PRKRIP1: variants seen among roughly 807,000 people sequenced by gnomAD.
PRKRIP1 encodes the protein PRKR interacting protein 1.
PRKRIP1 carries 29 observed loss-of-function variants against 29.3 expected under a neutral mutation model. The observed-to-expected ratio is 0.99, with a 90% confidence interval of 0.74 to 1.35. The LOEUF is 1.35. Among genes scored for constraint, PRKRIP1 ranks in the 40% most tolerant of loss-of-function variants. The pLI is 0.00. For synonymous variants in PRKRIP1, 90 were observed against 85.1 expected (o/e 1.06, Z -0.32); for missense variants, 247 against 236.8 (o/e 1.04, Z -0.28).
chr7:102,422,683 G>T lies in PRKRIP1; in HGVS notation c.458-2331G>T, dbSNP rs1796726390. Among the ~76,000 whole-genome samples, 3 of 151,972 alleles carry T rather than the reference G, an allele frequency of 2.0e-5. No individual in the cohort carries two copies. The South Asian group carries it at 6.2e-4, about 32-fold the overall frequency. On this transcript the variant is annotated intron_variant, in intron 5 of 5. Transcript: ENST00000397912. Reference sequence around the variant, plus strand: ...ATAGAGATGAGGTTTCACCATGTTGGCCAGGCTGGTCTCACACTCCTGACC... The same window carrying T: ...ATAGAGATGAGGTTTCACCATGTTGTCCAGGCTGGTCTCACACTCCTGACC...
intron 5 of PRKRIP1, among the ~76,000 whole-genome samples, chr7:102,414,568 C>G (rs934550063): frequency 1.3e-5 from 2 of 152,152 alleles, no homozygotes; most frequent in African/African-American, 4.8e-5. Flanking sequence ...CTCCCTTCCC[C>G]CTTTCTGGGG....
rs782518913 is a variant in PRKRIP1, at chr7:102,396,427, G to A, written c.16G>A (p.Ala6Thr). 1 of 1,585,146 alleles carries A rather than the reference G, an allele frequency of 6.3e-7. No individual in the cohort carries two copies. Among genetic ancestry groups the A allele is most frequent in the South Asian group, 1.1e-5 (1 of 89,696 alleles). The change falls in exon 1 of 6, where the codon GCC becomes ACC. Residue 6 changes from alanine to threonine, a missense_variant. Transcript: ENST00000397912. The part of the protein sequence containing the change: MASPA[A>T]SSVRPPRPKK... Reference sequence around the variant, plus strand: ...GAAGGCTGCCATGGCTAGCCCAGCCGCCTCCTCGGTGCGACCACCGAGGCC... The same window carrying A: ...GAAGGCTGCCATGGCTAGCCCAGCCACCTCCTCGGTGCGACCACCGAGGCC...
intron 4 of PRKRIP1, among the ~76,000 whole-genome samples, chr7:102,406,388 A>G (rs1290108028): frequency 1.3e-5 from 2 of 152,152 alleles, no homozygotes; most frequent in Non-Finnish European, 2.9e-5. Flanking sequence ...ACATGTCACA[A>G]TCTGATCGAG....
Position 102,418,955 on chromosome 7 carries a change from C to T in PRKRIP1, c.458-6059C>T, listed in dbSNP as rs117504095. Among the ~76,000 whole-genome samples, 323 of 152,212 alleles carry T rather than the reference C, an allele frequency of 2.1e-3. 9 individuals are homozygous for T. The East Asian group carries it at 0.058, about 27-fold the overall frequency. ...AAGCGATCCTCCGGCCTCAACCTCC[C>T]AAAGTGCTGGGATCACAGGCATGAG... On this transcript the variant is annotated intron_variant, in intron 5 of 5. Transcript: ENST00000397912.
intron 2 of PRKRIP1, among the ~76,000 whole-genome samples, chr7:102,398,215 A>G (rs868975840): frequency 1.3e-5 from 2 of 152,210 alleles, no homozygotes; most frequent in East Asian, 3.8e-4. Context: ...CTTAAGGGCT[A>G]TAGTTGCTTA....
chr7:102,423,377 G>T (rs1554574065), intron 5 of PRKRIP1: 3 of 355,726 alleles, frequency 8.4e-6, no homozygotes, highest in Non-Finnish European at 1.7e-5. Flanking sequence ...GCCTCCCAGG[G>T]TGTTGGGATT....
rs180771335 is a variant in PRKRIP1 at position 102,406,092 on chromosome 7, T to C, written c.393-1342T>C. 8.5e-5 allele frequency among the ~76,000 whole-genome samples: 13 copies of C among 152,316 alleles called. No homozygotes were observed. In the East Asian group the frequency reaches 2.5e-3, roughly 29 times the overall value. On this transcript the variant is annotated intron_variant, in intron 4 of 5. Coordinates refer to ENST00000397912, the MANE Select transcript of PRKRIP1 (RefSeq NM_024653.4). ...GAAGCATTGGTTGTGTGACTCGTGG[T>C]CGGGCATTGTCCTGGGGAAGAATTG...
At chr7:102,423,644 T>C (rs1444143905) in intron 5 of PRKRIP1, among the ~76,000 whole-genome samples, 1 of 152,102 alleles carries the variant, frequency 6.6e-6, no homozygotes, top group East Asian at 1.9e-4. Context: ...AGCACAGTGC[T>C]TCCATGTAAT....
intron 5 of PRKRIP1, among the ~76,000 whole-genome samples, chr7:102,417,091 G>A (rs868932852): frequency 9.9e-5 from 15 of 151,958 alleles, no homozygotes; most frequent in Admixed American, 6.6e-4. Context: ...TCCTGACCTC[G>A]TGATCCACCC....
At position 102,425,000 on chromosome 7, in the gene PRKRIP1, T is replaced by G; in HGVS notation, c.458-14T>G. 6.2e-7 allele frequency: 1 copy of G among 1,607,630 alleles called. No homozygotes were observed. ...ATTTTGCATGTCTGTAATTTGAATG[T>G]CGTGTGGTTACAGGACCCGGTCAGC... is the stretch of plus-strand genomic sequence containing the variant. On this transcript the variant is annotated splice_polypyrimidine_tract_variant and intron_variant, in intron 5 of 5. Transcript: ENST00000397912.
At chr7:102,401,142 C>G (rs1177254443) in intron 3 of PRKRIP1, among the ~76,000 whole-genome samples, 1 of 151,958 alleles carries the variant, frequency 6.6e-6, no homozygotes, top group Non-Finnish European at 1.5e-5. Flanking sequence ...CATAATTTTC[C>G]CCATTTTATA....
At chr7:102,419,133 G>A (rs1408638566) in intron 5 of PRKRIP1, among the ~76,000 whole-genome samples, 3 of 152,110 alleles carry the variant, frequency 2.0e-5, no homozygotes, top group African/African-American at 7.2e-5. Context: ...GCATAATTCA[G>A]CCAGGCACAG....
chr7:102,423,575 G>A (rs1407691227), intron 5 of PRKRIP1, among the ~76,000 whole-genome samples: 1 of 152,128 alleles, frequency 6.6e-6, no homozygotes, highest in Non-Finnish European at 1.5e-5. Context: ...ATATATAAGA[G>A]TGGTACTTAC....
chr7:102,416,301 T>C (rs944296621), intron 5 of PRKRIP1, among the ~76,000 whole-genome samples: 2 of 152,240 alleles, frequency 1.3e-5, no homozygotes, highest in African/African-American at 2.4e-5. Flanking sequence ...GTCTCCCCAT[T>C]GTTTAACTTC....
At position 102,404,610 on chromosome 7, in the gene PRKRIP1, G is replaced by A; in HGVS notation, c.319G>A (p.Ala107Thr). 5.6e-6 allele frequency: 9 copies of A among 1,613,758 alleles called. No homozygotes were observed. Among genetic ancestry groups the A allele is most frequent in the Non-Finnish European group, 7.6e-6 (9 of 1,179,756 alleles). The change falls in exon 4 of 6, where the codon GCA becomes ACA. Residue 107 changes from alanine to threonine, a missense_variant. Physicochemically the swap from Ala to Thr is moderately conservative, Grantham distance 58 (BLOSUM62 0). This residue lies in a region of PRKRIP1 where 134 missense variants were observed against 126.6 expected (regional missense o/e 1.06). Transcript: ENST00000397912. ...DAMAEKQKLD[A>T]EFQKRLEKNK... is the part of the protein sequence containing the mutation. Reference sequence around the variant, plus strand: ...GGTTTTGTTGCAGCAAAAATTGGATGCAGAGTTTCAGAAAAGACTGGAAAA... The same window carrying A: ...GGTTTTGTTGCAGCAAAAATTGGATACAGAGTTTCAGAAAAGACTGGAAAA...
intron 2 of PRKRIP1, among the ~76,000 whole-genome samples, chr7:102,399,291 T>C (rs1037465646): frequency 3.9e-4 from 60 of 152,320 alleles, no homozygotes; most frequent in Non-Finnish European, 6.0e-4. Context: ...AGAAAGTCAC[T>C]TAACCACAGT....
At chr7:102,418,867 A>G (rs1295858240) in intron 5 of PRKRIP1, among the ~76,000 whole-genome samples, 1 of 150,144 alleles carries the variant, frequency 6.7e-6, no homozygotes, top group Non-Finnish European at 1.5e-5. Context: ...TTTAATGTTT[A>G]AAAAAAAAAT....
intron 5 of PRKRIP1, among the ~76,000 whole-genome samples, chr7:102,419,755 C>A (rs1328434827): frequency 2.0e-5 from 3 of 152,076 alleles, no homozygotes; most frequent in Non-Finnish European, 4.4e-5. Context: ...CACCGTTTAC[C>A]CACTGAAGGA....
chr7:102,396,512 A>T lies in PRKRIP1; in HGVS notation c.101A>T (p.Lys34Met). The change falls in exon 1 of 6, where the codon AAG becomes ATG. Residue 34 changes from lysine to methionine, a missense_variant. Coordinates refer to ENST00000397912, the MANE Select transcript of PRKRIP1 (RefSeq NM_024653.4). The stretch of plus-strand genomic sequence containing the variant: ...AATGCGGCGGAGGAGCAGAAGCTCA[A>T]GCTGGAGCGGCTCATGAAGAACCCG... ...PKNAAEEQKL[K>M]LERLMKNPDK... 2 of 1,609,726 alleles carry T rather than the reference A, an allele frequency of 1.2e-6. No homozygotes were observed. The highest frequency in any genetic ancestry group is 1.7e-6 in the Non-Finnish European group (2 of 1,178,844).
Sources: allele counts gnomAD v4.1 joint callset (sites outside exome capture counted in the v4.1 genomes callset), GRCh38; gene constraint gnomAD v4.1.1; regional missense constraint gnomAD v4.1.1; transcripts MANE v1.5; gene names NCBI Gene and HGNC (gene_info 2026-07-23, HGNC 2026-07-21).